The following CNTNAP2 variants were observed in gnomAD, a reference collection of about 807,000 sequenced individuals.
CNTNAP2 encodes contactin associated protein 2, also known as contactin-associated protein-like 2.
In CNTNAP2, 98 loss-of-function variants were observed where a neutral mutation model predicts 155.2. The ratio of observed to expected loss-of-function variants is 0.63; its 90% CI spans 0.54 to 0.75. CNTNAP2 has a LOEUF of 0.75. CNTNAP2 is among the 30% of genes least tolerant of loss of function. CNTNAP2 has a pLI of 0.00. For synonymous variants in CNTNAP2, 651 were observed against 631.2 expected, an observed-to-expected ratio of 1.03 and a Z score of -0.47; for missense variants, 1,727 against 1,688.1, an observed-to-expected ratio of 1.02 and a Z score of -0.40.
At chr7:147,666,330 C>A (rs1326621610) in intron 13 of CNTNAP2, among the ~76,000 whole-genome samples, 1 of 152,136 alleles carries the variant, frequency 6.6e-6, no homozygotes, top group Non-Finnish European at 1.5e-5. Context: ...TACAATGGAA[C>A]TGAAAAATTC....
chr7:148,099,269 C>G (rs1411822124), intron 15 of CNTNAP2, among the ~76,000 whole-genome samples: 1 of 152,076 alleles, frequency 6.6e-6, no homozygotes, highest in African/African-American at 2.4e-5. Context: ...TGGGAAGGGT[C>G]TGAGCTACTA....
chr7:146,532,671 C>T (rs1304318073), intron 1 of CNTNAP2, among the ~76,000 whole-genome samples: 1 of 152,128 alleles, frequency 6.6e-6, no homozygotes, highest in Admixed American at 6.5e-5. Flanking sequence ...AACAATTTAA[C>T]TTCCTCTTAC....
At chr7:146,443,844 G>A (rs1408477535) in intron 1 of CNTNAP2, among the ~76,000 whole-genome samples, 2 of 152,196 alleles carry the variant, frequency 1.3e-5, no homozygotes, top group South Asian at 2.1e-4. Flanking sequence ...TTAATTAATA[G>A]CATAAAGCCC....
rs529810756 is a variant in CNTNAP2, at chr7:147,102,259, C to T, written c.551-5888C>T. ...TCTATATTTCACAGGTCTTGGAAGT[C>T]GCTAAATGTAGGTAGGCAAAAAGAA... On this transcript the variant is annotated intron_variant, in intron 4 of 23. Transcript: ENST00000361727. Among the ~76,000 whole-genome samples the T allele has an allele frequency of 1.6e-4, 20 of 126,960 alleles. 1 individual carries two copies. The highest frequency in any genetic ancestry group is 6.5e-4 in the African/African-American group (20 of 30,670). 83.3% of individuals were successfully genotyped at this position (126,960 alleles called of 152,430 possible).
At chr7:146,429,537 T>C (rs1796141868) in intron 1 of CNTNAP2, among the ~76,000 whole-genome samples, 1 of 152,148 alleles carries the variant, frequency 6.6e-6, no homozygotes, top group Non-Finnish European at 1.5e-5. Flanking sequence ...TTCCTGTTGT[T>C]GGTGCATAGC....
chr7:146,475,612 T>A (rs1456722559), intron 1 of CNTNAP2, among the ~76,000 whole-genome samples: 1 of 152,034 alleles, frequency 6.6e-6, no homozygotes, highest in Non-Finnish European at 1.5e-5. Context: ...TGGTATACAG[T>A]CAAGATCTGG....
intron 3 of CNTNAP2, among the ~76,000 whole-genome samples, chr7:146,964,526 T>C (rs371236476): frequency 2.7e-4 from 41 of 152,314 alleles, no homozygotes; most frequent in African/African-American, 9.4e-4. Context: ...ACTGACAAGG[T>C]GATATTAAGA....
At chr7:148,073,684 A>T (rs985011658) in intron 15 of CNTNAP2, among the ~76,000 whole-genome samples, 1 of 152,126 alleles carries the variant, frequency 6.6e-6, no homozygotes, top group African/African-American at 2.4e-5. Context: ...ATTAAACTTT[A>T]CATAGATGTG....
chr7:147,949,459 T>TATATATATATA (rs1554453475), intron 14 of CNTNAP2, among the ~76,000 whole-genome samples: 1 of 129,796 alleles, frequency 7.7e-6, no homozygotes, highest in Non-Finnish European at 1.6e-5. Flanking sequence ...TATATATATA[T>TATATATATATA]TTTTTTTTTT....
intron 3 of CNTNAP2, among the ~76,000 whole-genome samples, chr7:147,023,325 CA>C (rs767566311): frequency 6.6e-6 from 1 of 152,158 alleles, no homozygotes; most frequent in African/African-American, 2.4e-5. Context: ...TTTGATAGTG[CA>C]AGGACCCATT....
chr7:147,184,527 A>C (rs913615902), intron 8 of CNTNAP2, among the ~76,000 whole-genome samples: 3 of 152,198 alleles, frequency 2.0e-5, no homozygotes, highest in Non-Finnish European at 4.4e-5. Flanking sequence ...GGTAAAGAAC[A>C]AAATGACTGA....
chr7:147,151,013 G>T (rs1414497487), intron 8 of CNTNAP2, among the ~76,000 whole-genome samples: 1 of 152,170 alleles, frequency 6.6e-6, no homozygotes, highest in Non-Finnish European at 1.5e-5. Context: ...ACTAAGAGGT[G>T]CTTGATGTAT....
At chr7:146,737,402 C>A (rs995304859) in intron 1 of CNTNAP2, among the ~76,000 whole-genome samples, 6 of 152,026 alleles carry the variant, frequency 3.9e-5, no homozygotes, top group African/African-American at 1.2e-4. Flanking sequence ...AATTTTGTAT[C>A]CTTTAATGAA....
intron 12 of CNTNAP2, among the ~76,000 whole-genome samples, chr7:147,565,278 G>C (rs906072754): frequency 6.6e-6 from 1 of 152,164 alleles, no homozygotes; most frequent in Non-Finnish European, 1.5e-5. Flanking sequence ...CATAGTGAGC[G>C]TAAGAGAGTG....
At chr7:146,670,817 C>T (rs1438288215) in intron 1 of CNTNAP2, among the ~76,000 whole-genome samples, 1 of 152,156 alleles carries the variant, frequency 6.6e-6, no homozygotes. Context: ...TAGCCACTCC[C>T]ACACTGGCAA....
At chr7:148,007,563 TA>T (rs149676670) in intron 15 of CNTNAP2, among the ~76,000 whole-genome samples, 5,993 of 152,196 alleles carry the variant, frequency 0.039, 243 homozygotes, top group East Asian at 0.24. Flanking sequence ...TTGGAATCAC[TA>T]AAAATTCATT....
At chr7:147,385,621 G>A (rs1325762018) in intron 9 of CNTNAP2, among the ~76,000 whole-genome samples, 4 of 152,260 alleles carry the variant, frequency 2.6e-5, no homozygotes, top group Non-Finnish European at 5.9e-5. Context: ...AGGTCATGCA[G>A]ATGCAAGAGG....
intron 21 of CNTNAP2, among the ~76,000 whole-genome samples, chr7:148,373,165 A>T (rs1730395): frequency 0.71 from 107,752 of 151,310 alleles, 39,543 homozygotes; most frequent in Admixed American, 0.8. Context: ...ATAAAAAATA[A>T]AAAAAAAGTA....
chr7:146,203,595 A>C (rs184929148), intron 1 of CNTNAP2, among the ~76,000 whole-genome samples: 1 of 152,200 alleles, frequency 6.6e-6, no homozygotes, highest in East Asian at 1.9e-4. Flanking sequence ...TTTTCATTAC[A>C]AAGGCATGAT....
Sources: gnomAD v4.1 joint callset for allele counts (sites outside exome capture counted in the v4.1 genomes callset) on GRCh38, gnomAD v4.1.1 for gene constraint, MANE v1.5 for transcripts, NCBI Gene and HGNC (gene_info 2026-07-23, HGNC 2026-07-21) for gene names.